The following PUDP variants were observed in gnomAD, a reference collection of about 807,000 sequenced individuals.
PUDP encodes pseudouridine-5'-phosphatase.
Under a neutral mutation model 9.4 loss-of-function variants are expected in PUDP, and 8 were observed. The ratio of observed to expected loss-of-function variants is 0.85; its 90% CI spans 0.50 to 1.53. The LOEUF (loss-of-function observed/expected upper bound fraction) is 1.53, where lower values mean the gene tolerates loss of function less well. Among genes scored for constraint, PUDP ranks in the 40% most tolerant of loss-of-function variants. The pLI is 0.00. For missense variants in PUDP, 188 were observed against 189.7 expected (o/e 0.99, Z 0.05); for synonymous variants, 99 against 80.7 (o/e 1.23, Z -1.22).
chrX:6,817,014 C>T (rs1419584824), intron 3 of PUDP, among the ~76,000 whole-genome samples: 3 of 90,404 alleles, frequency 3.3e-5, no homozygotes, highest in Admixed American at 1.3e-4. Context: ...TATATATACA[C>T]ATATAGTATA....
intron 3 of PUDP, among the ~76,000 whole-genome samples, chrX:6,853,679 G>A (rs972180449): frequency 1.1e-4 from 12 of 111,354 alleles, no homozygotes; most frequent in Non-Finnish European, 2.1e-4. Flanking sequence ...TTCCATCTCT[G>A]TAGATTTGTC....
intron 3 of PUDP, among the ~76,000 whole-genome samples, chrX:6,736,481 G>A (rs889439982): frequency 1.2e-4 from 14 of 112,007 alleles, no homozygotes; most frequent in African/African-American, 4.2e-4. Flanking sequence ...ATCCTTACAA[G>A]AAGAAAGCAG....
rs6639732 is a variant in PUDP, at chrX:6,961,203, C to T, written c.*247+15930G>A. Among the ~76,000 whole-genome samples the T allele has an allele frequency of 6.4e-4, 71 of 110,248 alleles. No homozygotes were observed. The East Asian group carries it at 0.017, about 26-fold the overall frequency. ...TTGCTTGAGCCCAGTAGTTCAAGCC[C>T]AGCCTGGGCAACATGGTGAAACCCC... is the stretch of plus-strand genomic sequence containing the variant. On this transcript the variant is annotated intron_variant and NMD_transcript_variant, in intron 3 of 3. Transcript: ENST00000655425.
chrX:6,736,389 C>A (rs1369396367), intron 3 of PUDP, among the ~76,000 whole-genome samples: 4 of 111,916 alleles, frequency 3.6e-5, no homozygotes, highest in Non-Finnish European at 5.6e-5. Context: ...GAAACAGGCT[C>A]TTTCATACTT....
intron 3 of PUDP, among the ~76,000 whole-genome samples, chrX:6,933,672 T>G (rs1487966035): frequency 9.0e-6 from 1 of 111,272 alleles, no homozygotes; most frequent in Non-Finnish European, 1.9e-5. Context: ...CTTCAGACAA[T>G]CAAATTACTC....
chrX:6,810,273 T>C (rs772285859), intron 3 of PUDP, among the ~76,000 whole-genome samples: 3 of 111,423 alleles, frequency 2.7e-5, no homozygotes, highest in Non-Finnish European at 5.6e-5. Flanking sequence ...AGGGATAACA[T>C]GCCAAGACAA....
At chrX:6,723,112 T>A (rs959385646), upstream of PUDP, among the ~76,000 whole-genome samples, 7 of 110,183 alleles carry the variant, frequency 6.4e-5, no homozygotes, top group Non-Finnish European at 1.3e-4. Context: ...GCAGTTAAAA[T>A]AAAAACCACA....
At chrX:7,079,965 G>A (rs1341545268) in intron 2 of PUDP, among the ~76,000 whole-genome samples, 1 of 111,235 alleles carries the variant, frequency 9.0e-6, no homozygotes, top group Non-Finnish European at 1.9e-5. Flanking sequence ...ACAAATAAAA[G>A]GAAGGAAATA....
chrX:6,795,060 A>C (rs1925821014), intron 3 of PUDP, among the ~76,000 whole-genome samples: 1 of 107,107 alleles, frequency 9.3e-6, no homozygotes, highest in African/African-American at 3.4e-5. Context: ...TTACTTTTTA[A>C]ACTTTAAAAA....
chrX:7,056,281 T>C (rs1930240455), intron 3 of PUDP, among the ~76,000 whole-genome samples: 1 of 111,701 alleles, frequency 9.0e-6, no homozygotes, highest in African/African-American at 3.3e-5. Context: ...AAGGTGGAAG[T>C]GCCCACGGCT....
chrX:7,131,810 G>A (rs1253895477), intron 1 of PUDP, among the ~76,000 whole-genome samples: 2 of 105,544 alleles, frequency 1.9e-5, no homozygotes, highest in African/African-American at 6.9e-5. Flanking sequence ...CCTTAGCCTG[G>A]CACAGGGCTC....
chrX:6,752,102 G>T (rs1452458600), intron 3 of PUDP, among the ~76,000 whole-genome samples: 1 of 111,394 alleles, frequency 9.0e-6, no homozygotes, highest in African/African-American at 3.3e-5. Flanking sequence ...ACACCCAGGG[G>T]ACTATAAATC....
Position 6,796,796 on chromosome X carries a change from A to T in PUDP, c.*248-90330T>A, listed in dbSNP as rs779504229. The stretch of plus-strand genomic sequence containing the variant: ...ACAGGACAAGAAGCCATATCACTTG[A>T]TCATTTTTTAACATTATTTACCTCA... On this transcript the variant is annotated intron_variant and NMD_transcript_variant, in intron 3 of 3. Transcript: ENST00000655425. 1.5e-4 allele frequency among the ~76,000 whole-genome samples: 17 copies of T among 112,017 alleles called. No homozygotes were observed. The South Asian group carries it at 6.0e-3, about 40-fold the overall frequency.
chrX:6,838,761 G>A (rs1926622068), intron 3 of PUDP, among the ~76,000 whole-genome samples: 2 of 111,955 alleles, frequency 1.8e-5, no homozygotes, highest in South Asian at 7.5e-4. Context: ...TCTGTCTTTT[G>A]TTGTTTGTTA....
intron 1 of PUDP, among the ~76,000 whole-genome samples, chrX:7,021,274 A>G (rs758079153): frequency 9.8e-5 from 11 of 112,380 alleles, no homozygotes; most frequent in African/African-American, 3.6e-4. Flanking sequence ...ACAAACTGAT[A>G]GGGAAGAAAA....
At chrX:7,027,273 G>A (rs1022512175) in intron 1 of PUDP, among the ~76,000 whole-genome samples, 1 of 110,846 alleles carries the variant, frequency 9.0e-6, no homozygotes, top group East Asian at 2.8e-4. Context: ...CCGTGGCCAC[G>A]AGCCAACACT....
chrX:7,110,477 G>A (rs888816198), intron 1 of PUDP, among the ~76,000 whole-genome samples: 1 of 111,592 alleles, frequency 9.0e-6, no homozygotes, highest in East Asian at 2.8e-4. Context: ...TGTGAGTTGC[G>A]TTATTTACGG....
At chrX:7,147,405 T>G (rs1932889574) in intron 1 of PUDP, among the ~76,000 whole-genome samples, 1 of 110,998 alleles carries the variant, frequency 9.0e-6, no homozygotes, top group African/African-American at 3.3e-5. Context: ...CTGCGGGAAG[T>G]TTAACAGTAT....
At chrX:6,847,098 T>C (rs372259081) in intron 3 of PUDP, among the ~76,000 whole-genome samples, 1 of 111,945 alleles carries the variant, frequency 8.9e-6, no homozygotes, top group East Asian at 2.8e-4. Flanking sequence ...TGCTAAACAG[T>C]AAAATGAATG....
Sources: gnomAD v4.1 joint callset for allele counts (sites outside exome capture counted in the v4.1 genomes callset) on GRCh38, gnomAD v4.1.1 for gene constraint, MANE v1.5 for transcripts, NCBI Gene and HGNC (gene_info 2026-07-23, HGNC 2026-07-21) for gene names.